Variants in PIK3C2G observed in about 807,000 individuals in gnomAD.
The protein encoded by PIK3C2G is phosphatidylinositol-4-phosphate 3-kinase catalytic subunit type 2 gamma.
PIK3C2G carries 168 observed loss-of-function variants against 181.1 expected under a neutral mutation model. That is an observed-to-expected ratio of 0.93 (90% confidence interval 0.82 to 1.05). The LOEUF (loss-of-function observed/expected upper bound fraction) is 1.05, where lower values mean the gene tolerates loss of function less well. Among genes scored for constraint, PIK3C2G ranks in the 50% least tolerant of loss-of-function variants. The probability of loss-of-function intolerance (pLI) is 0.00; values close to 1 mark genes in which losing one functional copy is unlikely to be tolerated. For missense variants in PIK3C2G, 1,869 were observed against 1,732.8 expected, an observed-to-expected ratio of 1.08 and a Z score of -1.40; for synonymous variants, 573 against 592.2, an observed-to-expected ratio of 0.97 and a Z score of 0.47.
chr12:18,244,897 A>G (rs1948023751), upstream of PIK3C2G, among the ~76,000 whole-genome samples: 1 of 152,132 alleles, frequency 6.6e-6, no homozygotes, highest in South Asian at 2.1e-4. Context: ...ATTATAAAAT[A>G]TTATTTGTGA....
chr12:18,640,974 G>A (rs541980990), intron 32 of PIK3C2G, among the ~76,000 whole-genome samples: 152 of 152,050 alleles, frequency 1.0e-3, no homozygotes, highest in African/African-American at 3.5e-3. Context: ...AAATACAAAT[G>A]GAAGTTAATG....
At chr12:18,627,046 C>T (rs952719161) in intron 31 of PIK3C2G, among the ~76,000 whole-genome samples, 2 of 151,792 alleles carry the variant, frequency 1.3e-5, no homozygotes, top group African/African-American at 2.4e-5. Flanking sequence ...CCAACATTCC[C>T]ATAAATTTTC....
At chr12:18,465,354 A>C (rs184735271) in intron 18 of PIK3C2G, among the ~76,000 whole-genome samples, 1 of 151,860 alleles carries the variant, frequency 6.6e-6, no homozygotes, top group Non-Finnish European at 1.5e-5. Context: ...TAGCTTTACA[A>C]TATGTCATTA....
At chr12:18,681,682 G>A in the PIK3C2G span, among the ~76,000 whole-genome samples, 10 of 152,052 alleles carry the variant, frequency 6.6e-5, no homozygotes, top group Middle Eastern at 3.4e-3. Context: ...AATATTTCTC[G>A]CAAAGTCCGT....
chr12:18,399,965 T>C (rs1314439399), intron 16 of PIK3C2G, 118 bp downstream of exon 16: 3 of 522,610 alleles, frequency 5.7e-6, no homozygotes, highest in Non-Finnish European at 9.3e-6. Flanking sequence ...TTGATAGTTA[T>C]GGATATTAAT....
intron 14 of PIK3C2G, among the ~76,000 whole-genome samples, chr12:18,387,963 C>G (rs1286652661): frequency 6.6e-6 from 1 of 152,196 alleles, no homozygotes; most frequent in East Asian, 1.9e-4. Flanking sequence ...AAACCACAGA[C>G]CTTACTCACT....
the PIK3C2G span, among the ~76,000 whole-genome samples, chr12:18,682,424 AT>A: frequency 6.6e-6 from 1 of 152,038 alleles, no homozygotes; most frequent in South Asian, 2.1e-4. Context: ...CTATGCAACA[AT>A]GTGGTAGAAT....
intron 18 of PIK3C2G, among the ~76,000 whole-genome samples, chr12:18,482,328 T>C (rs1228300042): frequency 6.6e-6 from 1 of 151,978 alleles, no homozygotes; most frequent in Non-Finnish European, 1.5e-5. Flanking sequence ...TCATACTTGA[T>C]AGGGCAGGAA....
chr12:18,395,691 G>T (rs61914532), intron 15 of PIK3C2G, among the ~76,000 whole-genome samples: 1 of 150,808 alleles, frequency 6.6e-6, no homozygotes, highest in Non-Finnish European at 1.5e-5. Context: ...GGTTTATAAT[G>T]TATAAAAAAT....
At chr12:18,681,795 C>G in the PIK3C2G span, among the ~76,000 whole-genome samples, 1 of 151,938 alleles carries the variant, frequency 6.6e-6, no homozygotes, top group African/African-American at 2.4e-5. Flanking sequence ...TAAAATATAT[C>G]CTTTTTCTCT....
chr12:18,342,702 G>A (rs867882488), intron 9 of PIK3C2G, among the ~76,000 whole-genome samples: 9 of 151,368 alleles, frequency 5.9e-5, no homozygotes, highest in Middle Eastern at 6.8e-3. Context: ...TTCTAACAAG[G>A]ATAAAAATAA....
intron 24 of PIK3C2G, among the ~76,000 whole-genome samples, chr12:18,514,715 TATTTGA>T (rs1942424626): frequency 6.6e-6 from 1 of 152,068 alleles, no homozygotes; most frequent in Admixed American, 6.6e-5. Context: ...CCTGCTTTCC[TATTTGA>T]ATGTTCTTTT....
At chr12:18,379,908 T>C (rs1942722820) in intron 13 of PIK3C2G, among the ~76,000 whole-genome samples, 1 of 152,162 alleles carries the variant, frequency 6.6e-6, no homozygotes, top group Non-Finnish European at 1.5e-5. Context: ...CGAAAATCTT[T>C]AGATATTTCC....
intron 26 of PIK3C2G, among the ~76,000 whole-genome samples, chr12:18,562,094 T>C (rs1945374898): frequency 6.6e-6 from 1 of 152,210 alleles, no homozygotes; most frequent in South Asian, 2.1e-4. Context: ...TGGAATTAAA[T>C]TTTTTAAAAA....
chr12:18,483,561 T>G (rs757981894), intron 18 of PIK3C2G, among the ~76,000 whole-genome samples: 1 of 152,058 alleles, frequency 6.6e-6, no homozygotes, highest in Non-Finnish European at 1.5e-5. Flanking sequence ...CTTTTATAGT[T>G]TTTTTTATCT....
the PIK3C2G span, among the ~76,000 whole-genome samples, chr12:18,667,976 A>C: frequency 6.6e-6 from 1 of 151,730 alleles, no homozygotes; most frequent in Admixed American, 6.6e-5. Context: ...CAACAACAAC[A>C]AAAAAAAAAG....
rs777546538 is a variant in PIK3C2G at position 18,282,363 on chromosome 12, T to A, written c.282T>A (p.Arg94=). Residue 94 remains arginine (R), a synonymous_variant, in exon 2 of 33, where the codon CGT becomes CGA. Transcript: ENST00000538779. ...ISLNEFTSKS[R]ELSWHQVSKA... is the part of the protein sequence containing the mutation. ...TGAATGAATTCACTTCTAAAAGCCG[T>A]GAACTCTCCTGGCATCAAGTTAGCA... The A allele has an allele frequency of 1.9e-6, 3 of 1,613,762 alleles. No homozygotes were observed. In the Admixed American group the frequency reaches 5.0e-5, roughly 27 times the overall value.
chr12:18,583,826 A>T (rs1272157041), intron 29 of PIK3C2G, among the ~76,000 whole-genome samples: 1 of 152,062 alleles, frequency 6.6e-6, no homozygotes, highest in Non-Finnish European at 1.5e-5. Flanking sequence ...ATGTCCTCCA[A>T]ATGACTGCAC....
downstream of PIK3C2G, among the ~76,000 whole-genome samples, chr12:18,651,670 G>A (rs914047645): frequency 2.0e-5 from 3 of 152,236 alleles, no homozygotes; most frequent in African/African-American, 7.2e-5. Flanking sequence ...CTTCCGGCCT[G>A]AACAGCCTTT....
Sources: gnomAD v4.1 joint callset for allele counts (sites outside exome capture counted in the v4.1 genomes callset) on GRCh38, gnomAD v4.1.1 for gene constraint, MANE v1.5 for transcripts, NCBI Gene and HGNC (gene_info 2026-07-23, HGNC 2026-07-21) for gene names.